CD8B2: variants seen among roughly 807,000 people sequenced by gnomAD.
The protein encoded by CD8B2 is T-cell surface glycoprotein CD8 beta-2 chain.
In CD8B2, 11 loss-of-function variants were observed where a neutral mutation model predicts 23.7. The observed-to-expected ratio is 0.46, with a 90% CI of 0.29 to 0.77. The LOEUF (loss-of-function observed/expected upper bound fraction) is 0.77, where lower values mean the gene tolerates loss of function less well. Ranked by LOEUF, CD8B2 falls within the 30% of genes least tolerant of loss-of-function variation. CD8B2 has a pLI of 0.09. For synonymous variants in CD8B2, 90 were observed against 109.3 expected (o/e 0.82, Z 1.10); for missense variants, 197 against 270.5 (o/e 0.73, Z 1.91).
intron 5 of CD8B2, among the ~76,000 whole-genome samples, chr2:106,537,035 C>T (rs991948034): frequency 3.9e-5 from 6 of 152,188 alleles, no homozygotes; most frequent in African/African-American, 1.4e-4. Flanking sequence ...GCTGTTGGCT[C>T]TAGGTGCCCT....
intron 5 of CD8B2, among the ~76,000 whole-genome samples, chr2:106,537,442 A>G (rs941885921): frequency 2.0e-5 from 3 of 152,190 alleles, no homozygotes; most frequent in Non-Finnish European, 4.4e-5. Context: ...AACGCCACCA[A>G]GACACGACAT....
intron 5 of CD8B2, among the ~76,000 whole-genome samples, chr2:106,528,757 G>A (rs1308515153): frequency 6.6e-6 from 1 of 152,150 alleles, no homozygotes; most frequent in Non-Finnish European, 1.5e-5. Flanking sequence ...GCCTATTCCA[G>A]TTCCCTTCAG....
chr2:106,507,058 C>A lies in CD8B2; in HGVS notation c.*118C>A. 1 of 1,504,362 alleles carries A rather than the reference C, an allele frequency of 6.6e-7. No individual in the cohort carries two copies. The highest frequency in any genetic ancestry group is 8.9e-7 in the Non-Finnish European group (1 of 1,125,962). 93.2% of individuals were successfully genotyped at this position (1,504,362 alleles called of 1,614,324 possible). A position where few individuals can be genotyped will look rare whatever the true frequency, so the allele number is the denominator to read the frequency against. On this transcript the variant is annotated 3_prime_UTR_variant, in exon 6 of 6. Coordinates refer to ENST00000643224, the MANE Select transcript of CD8B2 (RefSeq NM_001349727.2). ...CTGGAGAGTTCAATGGCTGCTGAAG[C>A]TGCCTGCTTTTCACTGCTGCAAGGC... is the stretch of plus-strand genomic sequence containing the variant.
At chr2:106,515,768 T>G (rs1051681222), downstream of CD8B2, among the ~76,000 whole-genome samples, 2 of 152,094 alleles carry the variant, frequency 1.3e-5, no homozygotes, top group African/African-American at 4.8e-5. Context: ...TCAAGAAATC[T>G]GAGCCTCTTC....
intron 5 of CD8B2, among the ~76,000 whole-genome samples, chr2:106,518,995 C>T (rs563159837): frequency 1.8e-4 from 27 of 151,826 alleles, no homozygotes; most frequent in African/African-American, 6.3e-4. Context: ...ATTGCTCCAT[C>T]CTCCCTTCAT....
At chr2:106,487,672 G>C (rs964069301) in intron 1 of CD8B2, among the ~76,000 whole-genome samples, 1 of 152,136 alleles carries the variant, frequency 6.6e-6, no homozygotes, top group Non-Finnish European at 1.5e-5. Context: ...CGGGGGACCG[G>C]AGAGCCCCTG....
intron 5 of CD8B2, among the ~76,000 whole-genome samples, chr2:106,528,523 T>C (rs7340521): frequency 1.6e-4 from 25 of 152,356 alleles, no homozygotes; most frequent in African/African-American, 5.5e-4. Flanking sequence ...AAGAAATGTA[T>C]ATCCTTTTGC....
intron 5 of CD8B2, among the ~76,000 whole-genome samples, chr2:106,527,306 C>T (rs185133572): frequency 1.3e-5 from 2 of 152,312 alleles, no homozygotes; most frequent in Non-Finnish European, 2.9e-5. Flanking sequence ...GGTCTTGAAA[C>T]GGCCTGAAGT....
downstream of CD8B2, among the ~76,000 whole-genome samples, chr2:106,513,897 A>AAG (rs1679684278): frequency 6.6e-6 from 1 of 152,156 alleles, no homozygotes; most frequent in Non-Finnish European, 1.5e-5. Context: ...CCCTGCAGCC[A>AAG]CACTGATGCT....
chr2:106,539,071 T>A (rs562135230), intron 5 of CD8B2, among the ~76,000 whole-genome samples: 37 of 152,300 alleles, frequency 2.4e-4, no homozygotes, highest in Admixed American at 5.2e-4. Context: ...AGTGAACACG[T>A]GTTCACTTAC....
chr2:106,527,830 A>C (rs201053068), intron 5 of CD8B2, among the ~76,000 whole-genome samples: 6 of 95,330 alleles, frequency 6.3e-5, no homozygotes, highest in African/African-American at 1.1e-4. Flanking sequence ...AACAAACAAA[A>C]AGACAGCCCA....
intron 5 of CD8B2, among the ~76,000 whole-genome samples, chr2:106,539,349 T>C (rs957233486): frequency 2.0e-5 from 3 of 152,342 alleles, no homozygotes; most frequent in Admixed American, 6.5e-5. Flanking sequence ...AGGGGAAATA[T>C]ATATATTGGT....
downstream of CD8B2, among the ~76,000 whole-genome samples, chr2:106,512,925 G>A (rs934753076): frequency 2.3e-4 from 35 of 152,268 alleles, no homozygotes; most frequent in Non-Finnish European, 3.8e-4. Flanking sequence ...GCCCAGGGCC[G>A]AGGCCTGTAG....
chr2:106,534,780 G>T (rs1259420909), intron 5 of CD8B2, among the ~76,000 whole-genome samples: 1 of 152,004 alleles, frequency 6.6e-6, no homozygotes, highest in Non-Finnish European at 1.5e-5. Context: ...AACACTGGAA[G>T]AGAATATATA....
At chr2:106,498,605 G>A (rs1679343755) in intron 3 of CD8B2, among the ~76,000 whole-genome samples, 1 of 152,130 alleles carries the variant, frequency 6.6e-6, no homozygotes, top group Non-Finnish European at 1.5e-5. Flanking sequence ...AGGTTACACT[G>A]AGGAGAGTGG....
At chr2:106,531,371 C>A (rs548333496) in intron 5 of CD8B2, among the ~76,000 whole-genome samples, 22 of 152,286 alleles carry the variant, frequency 1.4e-4, no homozygotes, top group African/African-American at 5.1e-4. Context: ...GGGCAATAAT[C>A]CAATTGCCCC....
chr2:106,504,213 A>G (rs1305205923), intron 4 of CD8B2, 76 bp from the exon 5 acceptor site: 2 of 1,547,448 alleles, frequency 1.3e-6, no homozygotes, highest in Non-Finnish European at 1.7e-6. Context: ...CCCTGTGACA[A>G]TCCTCCTTGG....
At chr2:106,493,994 A>C (rs1391956404) in intron 2 of CD8B2, among the ~76,000 whole-genome samples, 2 of 152,098 alleles carry the variant, frequency 1.3e-5, no homozygotes, top group Non-Finnish European at 2.9e-5. Context: ...TCTTCCCATC[A>C]ATGTCTTGAA....
intron 1 of CD8B2, among the ~76,000 whole-genome samples, chr2:106,490,123 C>G (rs1001505642): frequency 3.9e-5 from 6 of 151,982 alleles, no homozygotes; most frequent in African/African-American, 9.7e-5. Flanking sequence ...AACGGACAGA[C>G]CAGCCACATG....
Sources: gnomAD v4.1 joint callset for allele counts (sites outside exome capture counted in the v4.1 genomes callset) on GRCh38, gnomAD v4.1.1 for gene constraint, MANE v1.5 for transcripts, NCBI Gene and HGNC (gene_info 2026-07-23, HGNC 2026-07-21) for gene names.